Variants in MGAT4C observed in about 807,000 individuals in gnomAD.
MGAT4C encodes MGAT4 family member C.
A neutral mutation model predicts 40.1 loss-of-function variants in MGAT4C; 19 were observed. The observed-to-expected ratio is 0.47, with a 90% CI of 0.33 to 0.70. MGAT4C has a LOEUF of 0.70. Ranked by LOEUF, MGAT4C falls within the 30% of genes least tolerant of loss-of-function variation. The probability of loss-of-function intolerance (pLI) is 0.02; values close to 1 mark genes in which losing one functional copy is unlikely to be tolerated. For synonymous variants in MGAT4C, 181 were observed against 187.1 expected (o/e 0.97, Z 0.27); for missense variants, 491 against 563.2 (o/e 0.87, Z 1.30).
At position 86,830,104 on chromosome 12, in the gene MGAT4C, G is replaced by T. The variant is rs556815994; in HGVS notation, c.-262+8562C>A. 5.9e-5 allele frequency among the ~76,000 whole-genome samples: 9 copies of T among 151,466 alleles called. 1 individual carries two copies. In the East Asian group the frequency reaches 1.8e-3, roughly 30 times the overall value. ...TATGTCCATGTCTATATCTATGTTG[G>T]GTTGCCTATTAATGACTGGAACTGC... On this transcript the variant is annotated intron_variant, in intron 1 of 7. Coordinates refer to the MGAT4C transcript ENST00000548651.
chr12:86,457,786 C>A (rs1051597251), intron 2 of MGAT4C, among the ~76,000 whole-genome samples: 3 of 151,842 alleles, frequency 2.0e-5, no homozygotes, highest in South Asian at 2.1e-4. Context: ...CTAGGAAAAT[C>A]AAAACATATT....
intron 3 of MGAT4C, among the ~76,000 whole-genome samples, chr12:86,347,671 G>C (rs894110757): frequency 6.6e-6 from 1 of 152,076 alleles, no homozygotes; most frequent in Non-Finnish European, 1.5e-5. Context: ...TCTGGTTCTG[G>C]TAGAAAAGCA....
At chr12:86,370,349 C>G (rs970494390) in intron 3 of MGAT4C, among the ~76,000 whole-genome samples, 1 of 151,996 alleles carries the variant, frequency 6.6e-6, no homozygotes, top group Non-Finnish European at 1.5e-5. Context: ...AAATAGATAT[C>G]TTCAGCATGA....
intron 3 of MGAT4C, among the ~76,000 whole-genome samples, chr12:86,358,704 C>A (rs1955376885): frequency 6.6e-6 from 1 of 152,064 alleles, no homozygotes; most frequent in Non-Finnish European, 1.5e-5. Flanking sequence ...AGACTTTAAA[C>A]CAACAAAGAC....
intron 1 of MGAT4C, among the ~76,000 whole-genome samples, chr12:86,770,160 A>G (rs1279099293): frequency 6.6e-6 from 1 of 152,028 alleles, no homozygotes; most frequent in African/African-American, 2.4e-5. Context: ...TTTTTCATAG[A>G]ACGTTAGTAT....
intron 1 of MGAT4C, among the ~76,000 whole-genome samples, chr12:86,766,425 T>C (rs545686756): frequency 1.3e-5 from 2 of 152,234 alleles, no homozygotes; most frequent in Non-Finnish European, 2.9e-5. Flanking sequence ...AATGGGAGAC[T>C]TTAACACCCC....
At chr12:86,645,191 C>G (rs1426880066) in intron 2 of MGAT4C, among the ~76,000 whole-genome samples, 1 of 151,356 alleles carries the variant, frequency 6.6e-6, no homozygotes, top group Non-Finnish European at 1.5e-5. Context: ...TTTATAAATA[C>G]CAAGAAAAAG....
intron 2 of MGAT4C, among the ~76,000 whole-genome samples, chr12:86,478,845 T>C (rs187838336): frequency 6.6e-6 from 1 of 151,896 alleles, no homozygotes; most frequent in Admixed American, 6.6e-5. Context: ...CAACTATTAA[T>C]ATTAAGTAAT....
chr12:85,996,779 GAATA>G (rs1886671087), intron 2 of MGAT4C, among the ~76,000 whole-genome samples: 1 of 151,824 alleles, frequency 6.6e-6, no homozygotes, highest in African/African-American at 2.4e-5. Flanking sequence ...ATAAAAAAGG[GAATA>G]AATAAAGGAG....
At chr12:86,762,113 A>C (rs1951417649) in intron 1 of MGAT4C, among the ~76,000 whole-genome samples, 1 of 151,062 alleles carries the variant, frequency 6.6e-6, no homozygotes, top group Admixed American at 6.6e-5. Context: ...GTGCAGTGGC[A>C]TGATCATGGC....
intron 1 of MGAT4C, among the ~76,000 whole-genome samples, chr12:86,166,905 C>A (rs572912942): frequency 6.6e-6 from 1 of 152,080 alleles, no homozygotes; most frequent in Non-Finnish European, 1.5e-5. Flanking sequence ...AGACAGCCAA[C>A]TTGAAATATT....
intron 3 of MGAT4C, among the ~76,000 whole-genome samples, chr12:86,432,343 A>T (rs183639919): frequency 5.3e-5 from 8 of 152,220 alleles, no homozygotes; most frequent in Admixed American, 5.2e-4. Flanking sequence ...AGATACATGG[A>T]TGGTATTTAG....
chr12:86,298,686 A>G (rs1463412498), intron 4 of MGAT4C, among the ~76,000 whole-genome samples: 3 of 152,142 alleles, frequency 2.0e-5, no homozygotes, highest in Non-Finnish European at 4.4e-5. Context: ...AAATTCTTAT[A>G]TTAAGTTGGA....
chr12:86,519,891 T>A (rs868493483), intron 2 of MGAT4C, among the ~76,000 whole-genome samples: 3 of 152,282 alleles, frequency 2.0e-5, no homozygotes, highest in South Asian at 4.1e-4. Flanking sequence ...GCATAAGATT[T>A]TTTAGCTTGA....
intron 2 of MGAT4C, among the ~76,000 whole-genome samples, chr12:86,662,761 C>T (rs753102505): frequency 8.5e-5 from 13 of 152,114 alleles, no homozygotes; most frequent in Non-Finnish European, 1.9e-4. Context: ...GTTTGCACTG[C>T]TCTAAATCAG....
At chr12:86,618,688 G>C (rs1962538610) in intron 2 of MGAT4C, among the ~76,000 whole-genome samples, 1 of 152,052 alleles carries the variant, frequency 6.6e-6, no homozygotes, top group South Asian at 2.1e-4. Context: ...GTGCGTCTGT[G>C]GTGGGGGATA....
intron 1 of MGAT4C, among the ~76,000 whole-genome samples, chr12:86,213,963 G>T (rs905968830): frequency 6.6e-6 from 1 of 152,196 alleles, no homozygotes; most frequent in African/African-American, 2.4e-5. Flanking sequence ...CCACAAGGGG[G>T]TCTGAGTGAT....
At chr12:86,025,191 A>T (rs1890139835) in intron 2 of MGAT4C, among the ~76,000 whole-genome samples, 1 of 151,698 alleles carries the variant, frequency 6.6e-6, no homozygotes, top group African/African-American at 2.4e-5. Context: ...CCCATGGTAT[A>T]AATTACTTAT....
At chr12:86,693,973 A>G (rs1023851386) in intron 2 of MGAT4C, among the ~76,000 whole-genome samples, 6 of 152,168 alleles carry the variant, frequency 3.9e-5, no homozygotes, top group Non-Finnish European at 8.8e-5. Flanking sequence ...CTTCTTTTAT[A>G]AAACTTGAAC....
Sources: allele counts gnomAD v4.1 joint callset (sites outside exome capture counted in the v4.1 genomes callset), GRCh38; gene constraint gnomAD v4.1.1; transcripts MANE v1.5; gene names NCBI Gene and HGNC (gene_info 2026-07-23, HGNC 2026-07-21).